The following PAPPA2 variants were observed in gnomAD, a reference collection of about 807,000 sequenced individuals.
The protein encoded by PAPPA2 is pappalysin-2.
Under a neutral mutation model 176.4 loss-of-function variants are expected in PAPPA2, and 86 were observed. That is an observed-to-expected ratio of 0.49 (90% CI 0.41 to 0.58). The LOEUF (loss-of-function observed/expected upper bound fraction) is 0.58, where lower values mean the gene tolerates loss of function less well. Ranked by LOEUF, PAPPA2 falls within the 20% of genes least tolerant of loss-of-function variation. PAPPA2 has a pLI of 0.00. For synonymous variants in PAPPA2, 809 were observed against 852.2 expected (o/e 0.95, Z 0.88); for missense variants, 2,073 against 2,256.9 (o/e 0.92, Z 1.65).
chr1:176,797,645 A>T (rs966053266), intron 20 of PAPPA2, among the ~76,000 whole-genome samples: 5 of 151,754 alleles, frequency 3.3e-5, no homozygotes, highest in African/African-American at 7.3e-5. Context: ...TGTCTCAAAA[A>T]ATATATATAT....
At chr1:176,760,409 A>G (rs1293642783) in intron 14 of PAPPA2, among the ~76,000 whole-genome samples, 1 of 152,212 alleles carries the variant, frequency 6.6e-6, no homozygotes, top group Non-Finnish European at 1.5e-5. Flanking sequence ...TTCAGGTTAC[A>G]TATATCTAGA....
intron 20 of PAPPA2, among the ~76,000 whole-genome samples, chr1:176,795,961 T>C (rs1192514088): frequency 6.6e-6 from 1 of 152,232 alleles, no homozygotes; most frequent in Non-Finnish European, 1.5e-5. Flanking sequence ...AAAATGACTG[T>C]TTTAAAGAGA....
chr1:176,656,522 A>G (rs1215691961), intron 3 of PAPPA2, among the ~76,000 whole-genome samples: 1 of 151,892 alleles, frequency 6.6e-6, no homozygotes, highest in African/African-American at 2.4e-5. Context: ...ATGTAATTCC[A>G]CAGGCATTAC....
intron 1 of PAPPA2, among the ~76,000 whole-genome samples, chr1:176,475,864 A>C (rs1487665535): frequency 6.6e-6 from 1 of 152,146 alleles, no homozygotes; most frequent in East Asian, 1.9e-4. Context: ...GAAATGTTAG[A>C]GGGAAGAAGC....
chr1:176,500,615 AT>A, intron 1 of PAPPA2, among the ~76,000 whole-genome samples: 1 of 151,750 alleles, frequency 6.6e-6, no homozygotes, highest in East Asian at 1.9e-4. Context: ...AACACTTGTA[AT>A]TTAGGCCTAT....
chr1:176,784,786 C>A (rs1664860289), intron 17 of PAPPA2, among the ~76,000 whole-genome samples: 1 of 152,054 alleles, frequency 6.6e-6, no homozygotes, highest in Admixed American at 6.6e-5. Flanking sequence ...GGGGGTTTCA[C>A]CATATTGGCC....
chr1:176,732,902 C>A (rs1177333666), intron 12 of PAPPA2, among the ~76,000 whole-genome samples: 2 of 152,200 alleles, frequency 1.3e-5, no homozygotes, highest in Non-Finnish European at 2.9e-5. Flanking sequence ...CTGTTAGGAA[C>A]CTGGCCACAC....
intron 1 of PAPPA2, among the ~76,000 whole-genome samples, chr1:176,473,856 C>A (rs555194867): frequency 3.3e-5 from 5 of 152,140 alleles, no homozygotes; most frequent in Non-Finnish European, 7.4e-5. Context: ...CTGTTCCAGT[C>A]TTTTGCCCAT....
chr1:176,747,753 G>C (rs1040810843), intron 14 of PAPPA2, among the ~76,000 whole-genome samples: 10 of 152,322 alleles, frequency 6.6e-5, no homozygotes, highest in Admixed American at 4.6e-4. Context: ...GCTTAGCTGG[G>C]TCATCTGTAA....
At chr1:176,828,183 T>A (rs1332298333) in intron 21 of PAPPA2, among the ~76,000 whole-genome samples, 2 of 152,162 alleles carry the variant, frequency 1.3e-5, no homozygotes, top group African/African-American at 4.8e-5. Flanking sequence ...AGACACATTA[T>A]CATCAGACAT....
chr1:176,656,422 A>G (rs1658034122), intron 3 of PAPPA2, among the ~76,000 whole-genome samples: 1 of 151,870 alleles, frequency 6.6e-6, no homozygotes, highest in South Asian at 2.1e-4. Flanking sequence ...TGTCTTTGAC[A>G]ACTCTTTGTA....
chr1:176,811,493 A>T (rs1474724878), intron 21 of PAPPA2, among the ~76,000 whole-genome samples: 1 of 152,162 alleles, frequency 6.6e-6, no homozygotes, highest in Non-Finnish European at 1.5e-5. Flanking sequence ...GGGTTATAAA[A>T]ATGCTAATTA....
chr1:176,728,685 T>A (rs1661994014), intron 12 of PAPPA2, among the ~76,000 whole-genome samples: 1 of 151,904 alleles, frequency 6.6e-6, no homozygotes, highest in African/African-American at 2.4e-5. Flanking sequence ...GTGGAGATTC[T>A]GAAAAAGATG....
At chr1:176,493,144 A>G (rs191607225) in intron 1 of PAPPA2, among the ~76,000 whole-genome samples, 2 of 152,310 alleles carry the variant, frequency 1.3e-5, no homozygotes, top group East Asian at 3.9e-4. Context: ...TTATGATTCC[A>G]TGATATGGTG....
At chr1:176,714,404 G>A (rs1328153909) in intron 12 of PAPPA2, among the ~76,000 whole-genome samples, 1 of 150,872 alleles carries the variant, frequency 6.6e-6, no homozygotes, top group Non-Finnish European at 1.5e-5. Context: ...TAGCCTTACT[G>A]GGAGAAAAAA....
intron 12 of PAPPA2, among the ~76,000 whole-genome samples, chr1:176,728,262 TTAAACA>T (rs1286109391): frequency 2.6e-5 from 4 of 151,800 alleles, no homozygotes; most frequent in Non-Finnish European, 4.4e-5. Flanking sequence ...ATAAAAGAAG[TTAAACA>T]TAAAATATGA....
chr1:176,618,624 T>C (rs896300954), intron 3 of PAPPA2, among the ~76,000 whole-genome samples: 1 of 152,236 alleles, frequency 6.6e-6, no homozygotes, highest in Admixed American at 6.5e-5. Context: ...ACATAGATGA[T>C]GTCCAAGGCC....
At chr1:176,605,723 G>A (rs775013000) in intron 3 of PAPPA2, among the ~76,000 whole-genome samples, 1 of 152,120 alleles carries the variant, frequency 6.6e-6, no homozygotes, top group Non-Finnish European at 1.5e-5. Flanking sequence ...TAGGTTTCTG[G>A]CCAACCTTGG....
At chr1:176,508,912 C>G (rs1454439840) in intron 1 of PAPPA2, among the ~76,000 whole-genome samples, 3 of 152,086 alleles carry the variant, frequency 2.0e-5, no homozygotes, top group Non-Finnish European at 4.4e-5. Flanking sequence ...AACTGTGAAT[C>G]AATTAGACCT....
Sources: gnomAD v4.1 joint callset for allele counts (sites outside exome capture counted in the v4.1 genomes callset) on GRCh38, gnomAD v4.1.1 for gene constraint, MANE v1.5 for transcripts, NCBI Gene and HGNC (gene_info 2026-07-23, HGNC 2026-07-21) for gene names.